NBPF20: variants seen among roughly 807,000 people sequenced by gnomAD.
The protein encoded by NBPF20 is NBPF family member NBPF20.
NBPF20 carries 90 observed loss-of-function variants against 68.1 expected under a neutral mutation model. The ratio of observed to expected loss-of-function variants is 1.32; its 90% CI spans 1.11 to 1.58. The LOEUF is 1.58. Ranked by LOEUF, NBPF20 falls within the 40% of genes most tolerant of loss-of-function variation. The pLI is 0.00. For synonymous variants in NBPF20, 290 were observed against 228.1 expected (o/e 1.27, Z -2.45); for missense variants, 816 against 601.2 (o/e 1.36, Z -3.74).
the NBPF20 span, among the ~76,000 whole-genome samples, chr1:145,423,510 T>A: frequency 6.7e-6 from 1 of 149,580 alleles, no homozygotes; most frequent in East Asian, 2.0e-4. Flanking sequence ...AAAGGCAAGC[T>A]ACAGATTGAA....
At chr1:145,425,412 C>T in the NBPF20 span, among the ~76,000 whole-genome samples, 4 of 152,276 alleles carry the variant, frequency 2.6e-5, no homozygotes, top group South Asian at 2.1e-4. Flanking sequence ...ACGGCAGCCG[C>T]GCCGCCGCGC....
intron 9 of NBPF20, chr1:145,393,576 G>T (rs1232953714): frequency 2.9e-5 from 19 of 647,408 alleles, no homozygotes; most frequent in Admixed American, 1.7e-4. Context: ...GACACACTGT[G>T]AACAGTGATC....
intron 2 of NBPF20, among the ~76,000 whole-genome samples, chr1:145,403,672 A>T (rs1161417029): frequency 6.6e-6 from 1 of 152,140 alleles, no homozygotes; most frequent in Non-Finnish European, 1.5e-5. Flanking sequence ...TGGGGCATGA[A>T]GTAGTGATTT....
rs782555479 is a variant in NBPF20 at position 145,292,444 on chromosome 1, G to C, written c.16634C>G (p.Ser5545Ter). The C allele has an allele frequency of 1.3e-5, 9 of 710,254 alleles. No individual in the cohort carries two copies. The highest frequency in any genetic ancestry group is 7.4e-5 in the South Asian group (5 of 67,960). The allele number at this position is 710,254 out of a possible 1,614,324, so 44.0% of individuals were successfully genotyped here. The change falls in exon 137 of 138, where the codon TCA (serine) becomes TGA (stop). Residue 5545 changes from serine to a stop codon, truncating the protein, a stop_gained. Transcript: ENST00000369373. LOFTEE classifies it high-confidence loss of function. The stretch of plus-strand genomic sequence containing the variant: ...TCTTCCCCTTCTTCTTTTCTTCTTT[G>C]ATCTTCTTCCCCTTCTTTTCTTCCC...
intron 2 of NBPF20, among the ~76,000 whole-genome samples, chr1:145,404,261 TTTTG>T (rs148520043): frequency 0.43 from 64,856 of 149,214 alleles, 14,405 homozygotes; most frequent in East Asian, 0.58. Context: ...TTATTTATCT[TTTTG>T]TTTGTTTGTT....
At chr1:145,291,158 G>A (rs1206065401) in exon 138 of NBPF20, 2 of 385,688 alleles carry the variant, frequency 5.2e-6, no homozygotes, top group Non-Finnish European at 9.6e-6. Context: ...TAACACCTTT[G>A]GATGAGCTAA....
Position 145,393,063 on chromosome 1 carries a change from A to G in NBPF20, c.1216+11T>C. 1.9e-6 allele frequency: 1 copy of G among 534,620 alleles called. No homozygotes were observed. The highest frequency in any genetic ancestry group is 3.1e-6 in the Non-Finnish European group (1 of 318,150). 33.1% of individuals were successfully genotyped at this position (534,620 alleles called of 1,614,324 possible). Reference sequence around the variant, plus strand: ...AGTGGATCCTTATCACCTTCATAGAAAGGTACTCACCATCCATGTCAACAG... The same window carrying G: ...AGTGGATCCTTATCACCTTCATAGAGAGGTACTCACCATCCATGTCAACAG... On this transcript the variant is annotated intron_variant, in intron 10 of 137. Transcript: ENST00000369373.
Position 145,292,504 on chromosome 1 carries a change from G to C in NBPF20, c.16589-15C>G, listed in dbSNP as rs782369264. On this transcript the variant is annotated splice_polypyrimidine_tract_variant and intron_variant, in intron 136 of 137. Coordinates refer to ENST00000369373, the Ensembl canonical transcript of NBPF20. ...CTTTTCAATTTCTGCAATAAATTCA[G>C]ACATGGACAGACACATTAAGCTGAT... The C allele has an allele frequency of 1.6e-5, 11 of 698,366 alleles. No homozygotes were observed. Among genetic ancestry groups the C allele is most frequent in the African/African-American group, 6.3e-5 (3 of 47,598 alleles). The allele number at this position is 698,366 out of a possible 1,614,324, so 43.3% of individuals were successfully genotyped here.
chr1:145,292,425 C>A lies in NBPF20; in HGVS notation c.16653G>T (p.Arg5551Ser), dbSNP rs782021341. The change falls in exon 137 of 138, where the codon AGG becomes AGT. Residue 5551 changes from arginine (R) to serine (S), a missense_variant. By Grantham distance (110) the Arg-to-Ser change is moderately radical (BLOSUM62 -1). Coordinates refer to ENST00000369373, the Ensembl canonical transcript of NBPF20. Reference sequence around the variant, plus strand: ...GATCTTCTTCCCCTTCTTTTCTTCCCCTTCTTCTTTTCTTCTTTGATCTTC... The same window carrying A: ...GATCTTCTTCCCCTTCTTTTCTTCCACTTCTTCTTTTCTTCTTTGATCTTC... 8.6e-6 allele frequency: 6 copies of A among 700,248 alleles called. No individual in the cohort carries two copies. The Admixed American group carries it at 8.6e-5, about 10-fold the overall frequency. The allele number at this position is 700,248 out of a possible 1,614,324, so 43.4% of individuals were successfully genotyped here. A position where few individuals can be genotyped will look rare whatever the true frequency, so the allele number is the denominator to read the frequency against.
At chr1:145,393,175 G>T in exon 10 of NBPF20, 3 of 609,556 alleles carry the variant, frequency 4.9e-6, no homozygotes, top group South Asian at 1.9e-5. Flanking sequence ...ACCTGAAGGA[G>T]TTGAATAACA....
intron 83 of NBPF20, among the ~76,000 whole-genome samples, chr1:145,334,868 A>G (rs1299991448): frequency 2.6e-3 from 362 of 138,204 alleles, no homozygotes; most frequent in African/African-American, 6.8e-3. Flanking sequence ...AGGAGAAAGT[A>G]AGCTCAGCGA....
the NBPF20 span, among the ~76,000 whole-genome samples, chr1:145,424,847 T>C: frequency 2.0e-5 from 3 of 152,150 alleles, no homozygotes; most frequent in Non-Finnish European, 2.9e-5. Context: ...TGGCTACAAA[T>C]GCTCCTCATG....
intron 9 of NBPF20, 159 bp downstream of exon 14, chr1:145,393,725 A>G: frequency 4.7e-6 from 7 of 1,503,844 alleles, no homozygotes; most frequent in Non-Finnish European, 6.4e-6. Flanking sequence ...TGGAAACCTA[A>G]ACATGTACTC....
intron 61 of NBPF20, among the ~76,000 whole-genome samples, chr1:145,352,330 G>A (rs1390119192): frequency 2.9e-4 from 24 of 81,968 alleles, no homozygotes; most frequent in East Asian, 2.0e-3. Flanking sequence ...CACACACACA[G>A]ACACACACAC....
chr1:145,425,014 C>G, the NBPF20 span, among the ~76,000 whole-genome samples: 1 of 152,110 alleles, frequency 6.6e-6, no homozygotes, highest in African/African-American at 2.4e-5. Flanking sequence ...TGTCTGGCCT[C>G]GAGGGTGGGG....
At chr1:145,395,776 A>C (rs1422339301) in intron 7 of NBPF20, among the ~76,000 whole-genome samples, 1 of 148,740 alleles carries the variant, frequency 6.7e-6, no homozygotes, top group Non-Finnish European at 1.5e-5. Flanking sequence ...TGTTAGAAGG[A>C]AAACTAACAC....
chr1:145,425,342 G>C, the NBPF20 span, among the ~76,000 whole-genome samples: 6 of 151,126 alleles, frequency 4.0e-5, no homozygotes, highest in African/African-American at 7.3e-5. Context: ...GGCCTGGCGC[G>C]GCGCCTTCAC....
intron 5 of NBPF20, 117 bp downstream of exon 10, chr1:145,400,942 T>G: frequency 8.0e-7 from 1 of 1,249,770 alleles, no homozygotes; most frequent in Non-Finnish European, 1.2e-6. Flanking sequence ...ATATTTCACA[T>G]ACTGTGGCCA....
chr1:145,401,110 T>C, exon 5 of NBPF20: 9 of 1,606,780 alleles, frequency 5.6e-6, no homozygotes, highest in Middle Eastern at 4.4e-4. Flanking sequence ...TTGAACATCT[T>C]CATCGTCATC....
Sources: gnomAD v4.1 joint callset for allele counts (sites outside exome capture counted in the v4.1 genomes callset) on GRCh38, gnomAD v4.1.1 for gene constraint, MANE v1.5 for transcripts, NCBI Gene and HGNC (gene_info 2026-07-23, HGNC 2026-07-21) for gene names.